MTHFD1L: variants seen among roughly 807,000 people sequenced by gnomAD.
MTHFD1L encodes the protein monofunctional C1-tetrahydrofolate synthase, mitochondrial.
Under a neutral mutation model 119.5 loss-of-function variants are expected in MTHFD1L, and 81 were observed. That is an observed-to-expected ratio of 0.68 (90% CI 0.57 to 0.82). The LOEUF is 0.82. MTHFD1L is among the 40% of genes least tolerant of loss of function. The pLI is 0.00. For synonymous variants in MTHFD1L, 430 were observed against 475.2 expected (o/e 0.90, Z 1.24); for missense variants, 1,125 against 1,253.4 (o/e 0.90, Z 1.55).
rs545167087 is a variant in MTHFD1L, at chr6:150,894,992, G to C, written c.780+7011G>C. ...TCCACGGAGACCCTAGAGGTGGGGA[G>C]GGGAAGAACGCCTGGGCATTTGTCC... is the stretch of plus-strand genomic sequence containing the variant. On this transcript the variant is annotated intron_variant, in intron 7 of 27. Transcript: ENST00000367321. Among the ~76,000 whole-genome samples the C allele has an allele frequency of 3.3e-5, 5 of 152,338 alleles. No homozygotes were observed. The South Asian group carries it at 1.0e-3, about 32-fold the overall frequency.
At chr6:151,013,923 G>A in intron 22 of MTHFD1L, 103 bp downstream of exon 22, 3 of 1,047,092 alleles carry the variant, frequency 2.9e-6, no homozygotes, top group Non-Finnish European at 4.3e-6. Flanking sequence ...TTAGAAAAGT[G>A]CTGTTCTGTC....
At chr6:151,019,022 A>G (rs1242817446) in intron 24 of MTHFD1L, among the ~76,000 whole-genome samples, 1 of 152,204 alleles carries the variant, frequency 6.6e-6, no homozygotes, top group East Asian at 1.9e-4. Flanking sequence ...CGCAAAATAG[A>G]TGTAGCCCTG....
intron 8 of MTHFD1L, among the ~76,000 whole-genome samples, chr6:150,912,301 G>GTT (rs11392847): frequency 4.1e-4 from 59 of 144,336 alleles, no homozygotes; most frequent in African/African-American, 8.6e-4. Flanking sequence ...CAGTGTTTTT[G>GTT]TTTTTTTTTT....
intron 20 of MTHFD1L, among the ~76,000 whole-genome samples, chr6:150,991,598 A>T (rs538619609): frequency 6.6e-6 from 1 of 152,336 alleles, no homozygotes; most frequent in African/African-American, 2.4e-5. Context: ...TTGAAAAATC[A>T]AGTAATTTGA....
At chr6:151,022,605 G>C (rs1315017621) in intron 24 of MTHFD1L, among the ~76,000 whole-genome samples, 2 of 152,174 alleles carry the variant, frequency 1.3e-5, no homozygotes, top group African/African-American at 4.8e-5. Flanking sequence ...TTGAAAGGCT[G>C]TCCTTTCTTT....
rs1249548500 is a variant in MTHFD1L at position 150,909,263 on chromosome 6, C to CT, written c.892+3505dup. ...TGTTTTCTAGCTGTAAGAGTAACTA[C>CT]TTTAAAAAAAAAAAAAAAGACAACC... is the stretch of plus-strand genomic sequence containing the variant. On this transcript the variant is annotated intron_variant, in intron 8 of 27. Transcript: ENST00000367321. Among the ~76,000 whole-genome samples, 64 of 144,806 alleles carry CT rather than the reference C, an allele frequency of 4.4e-4. 2 individuals are homozygous for CT. The highest frequency in any genetic ancestry group is 2.5e-3 in the Admixed American group (37 of 14,578). 95.0% of individuals were successfully genotyped at this position (144,806 alleles called of 152,430 possible).
At chr6:151,071,191 A>G (rs535628402) in intron 26 of MTHFD1L, among the ~76,000 whole-genome samples, 1 of 151,596 alleles carries the variant, frequency 6.6e-6, no homozygotes, top group African/African-American at 2.4e-5. Flanking sequence ...TTACATCGCA[A>G]TTGATACAAT....
At chr6:150,951,407 G>A (rs766552152) in intron 16 of MTHFD1L, among the ~76,000 whole-genome samples, 1 of 152,124 alleles carries the variant, frequency 6.6e-6, no homozygotes, top group Non-Finnish European at 1.5e-5. Context: ...TGTCTCAAAA[G>A]AATTTTAAAA....
intron 20 of MTHFD1L, among the ~76,000 whole-genome samples, chr6:151,003,665 T>C (rs1008494760): frequency 1.3e-5 from 2 of 152,224 alleles, no homozygotes; most frequent in South Asian, 2.1e-4. Flanking sequence ...GGCACACAGA[T>C]GATTGTGTGT....
Position 150,887,844 on chromosome 6 carries a change from G to T in MTHFD1L, c.644-1G>T, listed in dbSNP as rs761122879. 1 of 1,589,610 alleles carries T rather than the reference G, an allele frequency of 6.3e-7. No homozygotes were observed. The highest frequency in any genetic ancestry group is 1.4e-5 in the African/African-American group (1 of 73,302). ...ATATTGAATTTTCATTTGGTTAGTA[G>T]GTGTCAACCTAGATGGAAAGAAGAT... On this transcript the variant is annotated splice_acceptor_variant, in intron 6 of 27. Transcript: ENST00000367321. LOFTEE classifies it high-confidence loss of function.
intron 24 of MTHFD1L, among the ~76,000 whole-genome samples, chr6:151,026,366 C>T (rs1327313634): frequency 6.6e-6 from 1 of 152,192 alleles, no homozygotes; most frequent in Non-Finnish European, 1.5e-5. Flanking sequence ...TTTCTAGAGC[C>T]ATACTGCCTG....
chr6:150,906,267 C>T (rs888033072), intron 8 of MTHFD1L, among the ~76,000 whole-genome samples: 2 of 152,182 alleles, frequency 1.3e-5, no homozygotes, highest in Non-Finnish European at 2.9e-5. Flanking sequence ...GTATGAAAAT[C>T]ACCACTAGAT....
At chr6:151,091,123 T>TATGTGACTGGGTGCAGCATCGCCCC (rs1794385247) in intron 26 of MTHFD1L, among the ~76,000 whole-genome samples, 1 of 90,344 alleles carries the variant, frequency 1.1e-5, no homozygotes, top group Non-Finnish European at 2.2e-5. Flanking sequence ...AGCATCGTTC[T>TATGTGACTGGGTGCAGCATCGCCCC]ATGTGACTGG....
At chr6:150,994,735 G>A (rs1779590039) in intron 20 of MTHFD1L, among the ~76,000 whole-genome samples, 1 of 152,222 alleles carries the variant, frequency 6.6e-6, no homozygotes, top group African/African-American at 2.4e-5. Context: ...CAGTCTTACA[G>A]TGGAAGATTA....
intron 24 of MTHFD1L, among the ~76,000 whole-genome samples, chr6:151,017,006 C>T (rs1290158763): frequency 1.3e-5 from 2 of 148,218 alleles, no homozygotes; most frequent in Non-Finnish European, 3.0e-5. Flanking sequence ...AACTCCTGAG[C>T]TCCGGCAGTC....
At chr6:151,003,451 G>A (rs1327300450) in intron 20 of MTHFD1L, among the ~76,000 whole-genome samples, 1 of 152,066 alleles carries the variant, frequency 6.6e-6, no homozygotes, top group African/African-American at 2.4e-5. Context: ...AGAATCGCTC[G>A]AACCTGGAGG....
intron 22 of MTHFD1L, among the ~76,000 whole-genome samples, chr6:151,014,345 G>C (rs930105245): frequency 6.6e-6 from 1 of 152,200 alleles, no homozygotes; most frequent in Non-Finnish European, 1.5e-5. Context: ...TACTCCCAGG[G>C]TAGCCATCAG....
At position 151,010,205 on chromosome 6, in the gene MTHFD1L, A is replaced by AC. The variant is rs1350982512; in HGVS notation, c.2265+250dup. Among the ~76,000 whole-genome samples the AC allele has an allele frequency of 4.6e-5, 7 of 152,236 alleles. No homozygotes were observed. The East Asian group carries it at 1.2e-3, about 25-fold the overall frequency. ...TTAGTAAGTTCGAGTAAACAGTAAC[A>AC]CCCACAGTTCTTTCTAAACAATATT... On this transcript the variant is annotated intron_variant, in intron 21 of 27. Coordinates refer to ENST00000367321, the MANE Select transcript of MTHFD1L (RefSeq NM_015440.5).
chr6:151,093,490 C>G (rs1462858794), intron 27 of MTHFD1L, among the ~76,000 whole-genome samples: 4 of 152,014 alleles, frequency 2.6e-5, no homozygotes, highest in African/African-American at 7.2e-5. Flanking sequence ...AACCCCGTCT[C>G]TACTAAAAAT....
Sources: gnomAD v4.1 joint callset for allele counts (sites outside exome capture counted in the v4.1 genomes callset) on GRCh38, gnomAD v4.1.1 for gene constraint, MANE v1.5 for transcripts, NCBI Gene and HGNC (gene_info 2026-07-23, HGNC 2026-07-21) for gene names.